The following TEX264 variants were observed in gnomAD, a reference collection of about 807,000 sequenced individuals.
TEX264 encodes the protein testis expressed 264, ER-phagy receptor, also known as testis-expressed protein 264.
TEX264 carries 13 observed loss-of-function variants against 23.4 expected under a neutral mutation model. The observed-to-expected ratio is 0.56, with a 90% confidence interval of 0.36 to 0.88. The LOEUF is 0.88. Among genes scored for constraint, TEX264 ranks in the 40% least tolerant of loss-of-function variants. TEX264 has a pLI of 0.01. For synonymous variants in TEX264, 159 were observed against 170.0 expected (o/e 0.94, Z 0.50); for missense variants, 340 against 406.8 (o/e 0.84, Z 1.41).
At chr3:51,700,419 G>T (rs942328009) in intron 4 of TEX264, among the ~76,000 whole-genome samples, 1 of 152,030 alleles carries the variant, frequency 6.6e-6, no homozygotes, top group Non-Finnish European at 1.5e-5. Flanking sequence ...GTCAGCTAGG[G>T]CTGGGTAGGA....
intron 4 of TEX264, among the ~76,000 whole-genome samples, chr3:51,700,521 C>T (rs1703251695): frequency 6.6e-6 from 1 of 152,082 alleles, no homozygotes; most frequent in African/African-American, 2.4e-5. Context: ...GGTACAGCTC[C>T]CTTCTGCCTG....
In TEX264 at chr3:51,699,592, T is replaced by C. The variant is rs753751256; in HGVS notation, c.649+18T>C. ...TGGCACAGGTACAGAAGGTGGGGTATGAGGATGGGGCCCTCCTGGAGCTCC... is the reference window on the plus strand; with the variant it reads ...TGGCACAGGTACAGAAGGTGGGGTACGAGGATGGGGCCCTCCTGGAGCTCC... On this transcript the variant is annotated intron_variant, in intron 4 of 4. Coordinates refer to ENST00000341333, the MANE Select transcript of TEX264 (RefSeq NM_015926.6). 1 of 1,612,430 alleles carries C rather than the reference T, an allele frequency of 6.2e-7. No individual in the cohort carries two copies. Among genetic ancestry groups the C allele is most frequent in the Middle Eastern group, 1.7e-4 (1 of 6,002 alleles).
chr3:51,688,073 C>G (rs1577512448), intron 3 of TEX264, among the ~76,000 whole-genome samples: 1 of 152,234 alleles, frequency 6.6e-6, no homozygotes, highest in Admixed American at 6.5e-5. Flanking sequence ...GGAATCCATG[C>G]GTACTGTGTG....
In TEX264 at chr3:51,671,635, C is replaced by G. The variant is rs530378540; in HGVS notation, c.-35+347C>G. On this transcript the variant is annotated intron_variant, in intron 1 of 4. Transcript: ENST00000341333. ...CAGCCTGGGCTGCAAACTTTAGCGT[C>G]CTTTAAGTTACAGACGTGCGTGGGG... 43 of 154,992 alleles carry G rather than the reference C, an allele frequency of 2.8e-4. 1 individual carries two copies. The South Asian group carries it at 8.3e-3, about 30-fold the overall frequency. The allele number at this position is 154,992 out of a possible 1,614,324, so 9.6% of individuals were successfully genotyped here. A position where few individuals can be genotyped will look rare whatever the true frequency, so the allele number is the denominator to read the frequency against.
chr3:51,688,903 G>A (rs1245100739), intron 3 of TEX264, among the ~76,000 whole-genome samples: 1 of 151,898 alleles, frequency 6.6e-6, no homozygotes, highest in East Asian at 1.9e-4. Flanking sequence ...GAGGTGGGAG[G>A]ATCACTTGAG....
intron 1 of TEX264, among the ~76,000 whole-genome samples, chr3:51,673,910 T>G (rs1191180432): frequency 6.6e-6 from 1 of 152,076 alleles, no homozygotes; most frequent in Non-Finnish European, 1.5e-5. Context: ...GCAGGCTGGC[T>G]GGTATCTGGT....
At chr3:51,684,277 T>TC in intron 2 of TEX264, 136 bp from the exon 3 acceptor site, 2 of 737,192 alleles carry the variant, frequency 2.7e-6, no homozygotes, top group Non-Finnish European at 4.5e-6. Context: ...GCTAGCTGTG[T>TC]CCTGGTATCT....
In TEX264 at chr3:51,699,454, C is replaced by G; in HGVS notation, c.529C>G (p.Gln177Glu). The G allele has an allele frequency of 6.2e-7, 1 of 1,614,106 alleles. No homozygotes were observed. Among genetic ancestry groups the G allele is most frequent in the Non-Finnish European group, 8.5e-7 (1 of 1,179,940 alleles). Residue 177 changes from glutamine (Q) to glutamate (E), a missense_variant, in exon 4 of 5, where the codon CAG becomes GAG. Gln to Glu is a conservative substitution (Grantham distance 29, BLOSUM62 2). Transcript: ENST00000341333. ...YPRLEIYQED[Q>E]IHFMCPLARQ... Reference sequence around the variant, plus strand: ...TCGGCTGGAGATCTACCAGGAAGACCAGATCCATTTCATGTGCCCACTGGC... The same window carrying G: ...TCGGCTGGAGATCTACCAGGAAGACGAGATCCATTTCATGTGCCCACTGGC...
intron 2 of TEX264, among the ~76,000 whole-genome samples, chr3:51,680,886 G>A (rs1702406727): frequency 6.6e-6 from 1 of 152,188 alleles, no homozygotes; most frequent in Non-Finnish European, 1.5e-5. Flanking sequence ...CCCTGGAGGC[G>A]GGTCTGGGCT....
chr3:51,692,409 T>G (rs1036932166), intron 3 of TEX264, among the ~76,000 whole-genome samples: 1 of 152,114 alleles, frequency 6.6e-6, no homozygotes, highest in Admixed American at 6.5e-5. Flanking sequence ...GTTATGCAGG[T>G]GGGAAGGAAA....
In TEX264 at chr3:51,703,847, G is replaced by C; in HGVS notation, c.773G>C (p.Arg258Pro). The C allele has an allele frequency of 3.1e-6, 5 of 1,612,982 alleles. No homozygotes were observed. Among genetic ancestry groups the C allele is most frequent in the Non-Finnish European group, 4.2e-6 (5 of 1,179,356 alleles). The change falls in exon 5 of 5, where the codon CGC becomes CCC. Residue 258 changes from arginine (R) to proline (P), a missense_variant. Arg to Pro is a moderately radical substitution (Grantham distance 103, BLOSUM62 -2). Transcript: ENST00000341333. The surrounding 1 kb of genome is among the most constrained non-coding windows in gnomAD (Gnocchi z 4.8). Reference sequence around the variant, plus strand: ...CGTGGCTGGGATGACGGTGACACCCGCAGCGAGCACAGCTACAGCGAGTCA... The same window carrying C: ...CGTGGCTGGGATGACGGTGACACCCCCAGCGAGCACAGCTACAGCGAGTCA... The part of the protein sequence containing the change: ...SSRGWDDGDT[R>P]SEHSYSESGA...
intron 3 of TEX264, among the ~76,000 whole-genome samples, chr3:51,685,251 G>A (rs1702579584): frequency 6.6e-6 from 1 of 152,230 alleles, no homozygotes; most frequent in Non-Finnish European, 1.5e-5. Context: ...AACTTGCCCT[G>A]TTACACATCC....
At chr3:51,692,908 C>T (rs1023786479) in intron 3 of TEX264, among the ~76,000 whole-genome samples, 2 of 152,256 alleles carry the variant, frequency 1.3e-5, no homozygotes, top group Non-Finnish European at 2.9e-5. Flanking sequence ...ACACAACGGC[C>T]CAGGCCCAAG....
chr3:51,697,565 C>T (rs551406273), intron 3 of TEX264, among the ~76,000 whole-genome samples: 167 of 152,336 alleles, frequency 1.1e-3, no homozygotes, highest in African/African-American at 4.0e-3. Flanking sequence ...ATTCAGGGAT[C>T]CTTTTCTTTC....
chr3:51,672,627 C>A (rs1425363962), intron 1 of TEX264, among the ~76,000 whole-genome samples: 1 of 152,094 alleles, frequency 6.6e-6, no homozygotes, highest in East Asian at 1.9e-4. Flanking sequence ...AAGCCAGTCA[C>A]CAGAGAGGAG....
At chr3:51,678,331 G>T (rs1040968997) in intron 2 of TEX264, among the ~76,000 whole-genome samples, 1 of 152,194 alleles carries the variant, frequency 6.6e-6, no homozygotes, top group South Asian at 2.1e-4. Context: ...GGCCCTAGTG[G>T]CTGGGCTGCT....
intron 1 of TEX264, 188 bp downstream of exon 1, chr3:51,671,476 G>A (rs1452905378): frequency 6.5e-6 from 1 of 154,646 alleles, no homozygotes; most frequent in Non-Finnish European, 1.5e-5. Context: ...TGCGACCTTG[G>A]GGCAGCCCCT....
chr3:51,697,895 G>C (rs1446105518), intron 3 of TEX264, among the ~76,000 whole-genome samples: 1 of 152,206 alleles, frequency 6.6e-6, no homozygotes, highest in East Asian at 1.9e-4. Flanking sequence ...ACCCAGGTTG[G>C]CAAAGAAGAT....
chr3:51,681,403 T>C (rs1345413766), intron 2 of TEX264: 1 of 152,286 alleles, frequency 6.6e-6, no homozygotes, highest in African/African-American at 2.4e-5. Context: ...GGCCATCAGT[T>C]ACAGTGCAGC....
Sources: gnomAD v4.1 joint callset for allele counts (sites outside exome capture counted in the v4.1 genomes callset) on GRCh38, gnomAD v4.1.1 for gene constraint, Gnocchi (gnomAD v3.1) non-coding constraint, MANE v1.5 for transcripts, NCBI Gene and HGNC (gene_info 2026-07-23, HGNC 2026-07-21) for gene names.